UBE2J2: variants seen among roughly 807,000 people sequenced by gnomAD.
The protein encoded by UBE2J2 is ubiquitin-conjugating enzyme E2 J2.
UBE2J2 carries 5 observed loss-of-function variants against 28.6 expected under a neutral mutation model. The observed-to-expected ratio is 0.17, with a 90% CI of 0.09 to 0.37. The LOEUF is 0.37. Among genes scored for constraint, UBE2J2 ranks in the 10% least tolerant of loss-of-function variants. The pLI, the probability that UBE2J2 is intolerant of heterozygous loss-of-function variation, is 1.00. For missense variants in UBE2J2, 226 were observed against 338.9 expected (o/e 0.67, Z 2.62); for synonymous variants, 138 against 139.7 (o/e 0.99, Z 0.09).
intron 3 of UBE2J2, chr1:1,262,747 AACTT>A (rs1355925263): frequency 1.1e-5 from 2 of 176,532 alleles, no homozygotes; most frequent in African/African-American, 4.8e-5. Flanking sequence ...AGGCCCCAGA[AACTT>A]ACTGACAGCT....
chr1:1,266,415 A>C, intron 2 of UBE2J2: 1 of 192,524 alleles, frequency 5.2e-6, no homozygotes, highest in Non-Finnish European at 1.2e-5. Context: ...AATATGGTGA[A>C]ACCCCATCTC....
chr1:1,259,008 G>A (rs559008328), intron 3 of UBE2J2, among the ~76,000 whole-genome samples: 3 of 152,240 alleles, frequency 2.0e-5, no homozygotes, highest in Non-Finnish European at 4.4e-5. Context: ...CATGCCATCA[G>A]GACGCGTGTG....
In UBE2J2 at chr1:1,255,088, G is replaced by T; in HGVS notation, c.*115C>A. ...TGCTTCCCCTTTCAGGTTTTTAAAAGCTAAACCTAGGAGCCTGGTGGGTCT... is the reference window on the plus strand; with the variant it reads ...TGCTTCCCCTTTCAGGTTTTTAAAATCTAAACCTAGGAGCCTGGTGGGTCT... On this transcript the variant is annotated 3_prime_UTR_variant, in exon 7 of 7. Coordinates refer to ENST00000349431, the MANE Select transcript of UBE2J2 (RefSeq NM_058167.3). The T allele has an allele frequency of 8.2e-7, 1 of 1,222,600 alleles. No individual in the cohort carries two copies. The highest frequency in any genetic ancestry group is 1.1e-6 in the Non-Finnish European group (1 of 899,120). The allele number at this position is 1,222,600 out of a possible 1,614,324, so 75.7% of individuals were successfully genotyped here. A position where few individuals can be genotyped will look rare whatever the true frequency, so the allele number is the denominator to read the frequency against.
chr1:1,258,206 AT>A (rs59549363), intron 3 of UBE2J2, among the ~76,000 whole-genome samples: 61,428 of 150,302 alleles, frequency 0.41, 17,519 homozygotes, highest in East Asian at 0.99. Context: ...CACCCAGCTA[AT>A]TTTTTTTTTA....
intron 6 of UBE2J2, 103 bp from the exon 7 acceptor site, chr1:1,255,590 C>T (rs918593495): frequency 7.3e-7 from 1 of 1,379,164 alleles, no homozygotes; most frequent in Non-Finnish European, 9.8e-7. Flanking sequence ...AAGAACCAAG[C>T]CCTAGGCTGT....
chr1:1,255,433 G>C lies in UBE2J2; in HGVS notation c.550C>G (p.Leu184Val). 2 of 1,613,906 alleles carry C rather than the reference G, an allele frequency of 1.2e-6. No homozygotes were observed. The highest frequency in any genetic ancestry group is 1.1e-5 in the South Asian group (1 of 91,082). Residue 184 changes from leucine (L) to valine (V), a missense_variant, in exon 7 of 7, where the codon CTC becomes GTC. By Grantham distance (32) the Leu-to-Val change is conservative. Transcript: ENST00000349431. ...QDELSSRPQTLPLPDVVPDGE... is the reference protein window; with the variant it reads ...QDELSSRPQTVPLPDVVPDGE... ...TCTGGAACCACGTCTGGCAAGGGGA[G>C]AGTCTGGGGTCTGCTACTGAGTTCG...
Position 1,267,883 on chromosome 1 carries a change from A to C in UBE2J2, c.110T>G (p.Leu37Arg). The change falls in exon 2 of 7, where the codon CTC becomes CGC. Residue 37 changes from leucine to arginine, a missense_variant. Leu to Arg is a moderately radical substitution (Grantham distance 102). Transcript: ENST00000349431. ...DPVPYICAEP[L>R]PSNILEWHYV... ...TTACCACTCGAGAATATTCGAAGGGAGGGGCTCGGCACAGATGTAAGGCAC... is the reference window on the plus strand; with the variant it reads ...TTACCACTCGAGAATATTCGAAGGGCGGGGCTCGGCACAGATGTAAGGCAC... The C allele has an allele frequency of 6.2e-7, 1 of 1,614,048 alleles. No individual in the cohort carries two copies. Among genetic ancestry groups the C allele is most frequent in the African/African-American group, 1.3e-5 (1 of 75,038 alleles).
intron 1 of UBE2J2, 92 bp downstream of exon 1, chr1:1,273,574 T>A (rs1273378280): frequency 6.6e-6 from 1 of 151,036 alleles, no homozygotes; most frequent in Non-Finnish European, 1.5e-5. Flanking sequence ...TCGCGCAGGG[T>A]CCCCAGCAGC....
At chr1:1,258,661 C>A (rs1368949417) in intron 3 of UBE2J2, among the ~76,000 whole-genome samples, 1 of 152,250 alleles carries the variant, frequency 6.6e-6, no homozygotes, top group East Asian at 1.9e-4. Flanking sequence ...CCAGACGCCC[C>A]CATCCAGGAC....
chr1:1,263,425 G>T, intron 2 of UBE2J2, 39 bp from the exon 3 acceptor site: 1 of 1,577,388 alleles, frequency 6.3e-7, no homozygotes, highest in Non-Finnish European at 8.7e-7. Flanking sequence ...TTTGAGGACA[G>T]CAAATTCTCC....
At chr1:1,256,575 C>T (rs1639187842) in intron 5 of UBE2J2, among the ~76,000 whole-genome samples, 1 of 152,210 alleles carries the variant, frequency 6.6e-6, no homozygotes, top group African/African-American at 2.4e-5. Flanking sequence ...CACCCAGCCC[C>T]GCCTACTGAG....
chr1:1,262,495 A>C, intron 3 of UBE2J2: 2 of 329,154 alleles, frequency 6.1e-6, no homozygotes, highest in Non-Finnish European at 1.2e-5. Flanking sequence ...CCGACAGTCC[A>C]AAGCAGGGGT....
chr1:1,256,142 G>A lies in UBE2J2; in HGVS notation c.415-17C>T, dbSNP rs1229677325. The stretch of plus-strand genomic sequence containing the variant: ...TTGTCTTTTCTAGGAAGGAAGGGAA[G>A]GGAATCAGCCAGAAAACTAATTTCA... On this transcript the variant is annotated splice_polypyrimidine_tract_variant and intron_variant, in intron 5 of 6. Coordinates refer to ENST00000349431, the MANE Select transcript of UBE2J2 (RefSeq NM_058167.3). 3 of 1,575,668 alleles carry A rather than the reference G, an allele frequency of 1.9e-6. No individual in the cohort carries two copies. Among genetic ancestry groups the A allele is most frequent in the East Asian group, 2.2e-5 (1 of 44,728 alleles).
intron 2 of UBE2J2, chr1:1,266,051 C>T (rs1022384132): frequency 3.1e-6 from 4 of 1,303,272 alleles, no homozygotes; most frequent in South Asian, 2.5e-5. Flanking sequence ...TGAAGACGTC[C>T]TCGCAACCAG....
chr1:1,256,611 G>A (rs1372002015), intron 5 of UBE2J2, among the ~76,000 whole-genome samples: 4 of 152,132 alleles, frequency 2.6e-5, no homozygotes, highest in South Asian at 2.1e-4. Context: ...GGCCGGGCGC[G>A]GTGGCTCACG....
At position 1,255,158 on chromosome 1, in the gene UBE2J2, G is replaced by C; in HGVS notation, c.*45C>G. Reference sequence around the variant, plus strand: ...TCCAGCCTGCCGAGGTCACGCTCTGGTGCGCGGTGCCCTCAGTGGCGCCTT... The same window carrying C: ...TCCAGCCTGCCGAGGTCACGCTCTGCTGCGCGGTGCCCTCAGTGGCGCCTT... On this transcript the variant is annotated 3_prime_UTR_variant, in exon 7 of 7. Transcript: ENST00000349431. 2 of 1,535,014 alleles carry C rather than the reference G, an allele frequency of 1.3e-6. No individual in the cohort carries two copies. The highest frequency in any genetic ancestry group is 8.8e-7 in the Non-Finnish European group (1 of 1,135,610).
At chr1:1,259,100 ATG>A (rs1491187425) in intron 3 of UBE2J2, among the ~76,000 whole-genome samples, 1 of 105,810 alleles carries the variant, frequency 9.5e-6, no homozygotes, top group Non-Finnish European at 1.8e-5. Flanking sequence ...ACGTGTGTGC[ATG>A]TGTGTGCATG....
intron 1 of UBE2J2, among the ~76,000 whole-genome samples, chr1:1,271,974 CAAAA>C (rs60924258): frequency 0.046 from 1,261 of 27,384 alleles, 15 homozygotes; most frequent in African/African-American, 0.09. Flanking sequence ...AACTCCGTCT[CAAAA>C]AAAAAAAAAA....
chr1:1,266,122 A>G (rs1037437813), intron 2 of UBE2J2: 1 of 1,304,082 alleles, frequency 7.7e-7, no homozygotes, highest in African/African-American at 1.5e-5. Context: ...CTGGGGCCAC[A>G]TGTGATTTTC....
Sources: allele counts gnomAD v4.1 joint callset (sites outside exome capture counted in the v4.1 genomes callset), GRCh38; gene constraint gnomAD v4.1.1; transcripts MANE v1.5; gene names NCBI Gene and HGNC (gene_info 2026-07-23, HGNC 2026-07-21).